EXOC4: variants seen among roughly 807,000 people sequenced by gnomAD.
EXOC4 encodes the protein exocyst complex component 4, also known as SEC8-like 1.
EXOC4 carries 71 observed loss-of-function variants against 107.2 expected under a neutral mutation model. The observed-to-expected ratio is 0.66, with a 90% CI of 0.55 to 0.81. The LOEUF is 0.81. Ranked by LOEUF, EXOC4 falls within the 30% of genes least tolerant of loss-of-function variation. The pLI is 0.00. For synonymous variants in EXOC4, 456 were observed against 441.2 expected (o/e 1.03, Z -0.42); for missense variants, 1,108 against 1,189.6 (o/e 0.93, Z 1.01).
chr7:133,436,520 ATAT>A (rs1797979049), intron 7 of EXOC4, among the ~76,000 whole-genome samples: 1 of 151,850 alleles, frequency 6.6e-6, no homozygotes, highest in Non-Finnish European at 1.5e-5. Context: ...AAAAACCCTA[ATAT>A]TATCCATATC....
At chr7:133,723,030 C>G (rs748248818) in intron 10 of EXOC4, among the ~76,000 whole-genome samples, 15 of 152,162 alleles carry the variant, frequency 9.9e-5, no homozygotes, top group Non-Finnish European at 1.8e-4. Context: ...TTAAGTGTTA[C>G]TTATCCATTT....
chr7:133,457,750 T>C (rs1798496569), intron 7 of EXOC4, among the ~76,000 whole-genome samples: 2 of 152,212 alleles, frequency 1.3e-5, no homozygotes, highest in Admixed American at 6.5e-5. Flanking sequence ...CTGCTTCCTC[T>C]TCTTTTTTCA....
intron 17 of EXOC4, among the ~76,000 whole-genome samples, chr7:134,014,626 G>A (rs946467015): frequency 5.9e-5 from 9 of 152,172 alleles, no homozygotes; most frequent in South Asian, 2.1e-4. Context: ...AGTAGGGGTC[G>A]AAAGGAAATG....
intron 14 of EXOC4, among the ~76,000 whole-genome samples, chr7:133,956,885 A>G (rs1800831098): frequency 6.6e-6 from 1 of 152,212 alleles, no homozygotes; most frequent in Non-Finnish European, 1.5e-5. Context: ...CAATACCAAA[A>G]AAGATATTTA....
rs1025609884 is a variant in EXOC4, at chr7:134,008,068, A to T, written c.2687+233A>T. The T allele has an allele frequency of 1.4e-5, 6 of 428,836 alleles. No homozygotes were observed. In the East Asian group the frequency reaches 2.3e-4, roughly 17 times the overall value. The allele number at this position is 428,836 out of a possible 1,614,324, so 26.6% of individuals were successfully genotyped here. ...TGTCTAACCCAAGTTCTTCTTAACT[A>T]CAATACTTGAATAACTCTTTTTTTC... On this transcript the variant is annotated intron_variant, in intron 17 of 17. Coordinates refer to ENST00000253861, the MANE Select transcript of EXOC4 (RefSeq NM_021807.4).
At chr7:134,082,622 G>A in the EXOC4 span, among the ~76,000 whole-genome samples, 1 of 152,140 alleles carries the variant, frequency 6.6e-6, no homozygotes, top group African/African-American at 2.4e-5. Flanking sequence ...TGTATTTTTA[G>A]TAGAGACGGG....
At chr7:133,480,597 CTGTGATGAACAGGCTATTTG>C in intron 9 of EXOC4, 1 of 240,552 alleles carries the variant, frequency 4.2e-6, no homozygotes, top group East Asian at 1.4e-4. Context: ...ATCAATATAA[CTGTGATGAACAGGCTATTTG>C]ATACCCATGT....
At chr7:133,388,577 G>A (rs1004863501) in intron 7 of EXOC4, among the ~76,000 whole-genome samples, 2 of 152,138 alleles carry the variant, frequency 1.3e-5, no homozygotes, top group Non-Finnish European at 2.9e-5. Context: ...TTGAACCGGG[G>A]AGGTGGAGGC....
At chr7:133,265,704 A>G (rs1350284104) in intron 1 of EXOC4, among the ~76,000 whole-genome samples, 1 of 152,140 alleles carries the variant, frequency 6.6e-6, no homozygotes, top group Non-Finnish European at 1.5e-5. Flanking sequence ...CATCTTTATT[A>G]TTCCTGGAGG....
chr7:133,446,239 TCC>T, intron 7 of EXOC4, among the ~76,000 whole-genome samples: 1 of 152,170 alleles, frequency 6.6e-6, no homozygotes. Context: ...CCCCTTTATT[TCC>T]ACAGCCTAAT....
intron 9 of EXOC4, among the ~76,000 whole-genome samples, chr7:133,527,980 G>A (rs530953114): frequency 6.6e-6 from 1 of 152,264 alleles, no homozygotes; most frequent in South Asian, 2.1e-4. Flanking sequence ...TCACCTGTAA[G>A]GCTTGTTAAA....
At chr7:133,766,297 TAATTA>T (rs1226593741) in intron 10 of EXOC4, among the ~76,000 whole-genome samples, 3 of 152,076 alleles carry the variant, frequency 2.0e-5, no homozygotes, top group African/African-American at 2.4e-5. Flanking sequence ...CATATTTGTT[TAATTA>T]AATTCCCTGC....
chr7:134,043,967 G>A (rs1171709090), intron 17 of EXOC4, among the ~76,000 whole-genome samples: 1 of 152,192 alleles, frequency 6.6e-6, no homozygotes, highest in Non-Finnish European at 1.5e-5. Context: ...ACCTTGGTTT[G>A]TAGCCCTGGC....
chr7:134,092,288 A>G, the EXOC4 span, among the ~76,000 whole-genome samples: 36 of 152,306 alleles, frequency 2.4e-4, no homozygotes, highest in East Asian at 5.8e-3. Context: ...TCAATTAAAA[A>G]AATTTAAAGA....
intron 7 of EXOC4, among the ~76,000 whole-genome samples, chr7:133,385,197 C>T (rs958637807): frequency 3.3e-5 from 5 of 152,148 alleles, no homozygotes; most frequent in Admixed American, 6.5e-5. Flanking sequence ...CTTGGTATCA[C>T]GTCTACTGTG....
intron 14 of EXOC4, among the ~76,000 whole-genome samples, chr7:133,966,637 G>A (rs1801076709): frequency 6.6e-6 from 1 of 152,170 alleles, no homozygotes; most frequent in African/African-American, 2.4e-5. Context: ...TTATTGATTT[G>A]CGTATGTTGA....
chr7:133,425,677 A>G (rs546310880), intron 7 of EXOC4, among the ~76,000 whole-genome samples: 1 of 152,186 alleles, frequency 6.6e-6, no homozygotes, highest in Non-Finnish European at 1.5e-5. Context: ...CCTCTCCAGC[A>G]TTAACATCAA....
At chr7:133,701,924 G>A (rs1427063014) in intron 10 of EXOC4, among the ~76,000 whole-genome samples, 1 of 149,392 alleles carries the variant, frequency 6.7e-6, no homozygotes, top group Non-Finnish European at 1.5e-5. Context: ...CCACCCATGG[G>A]GACAATCTGT....
chr7:133,357,018 A>T (rs1219538287), intron 6 of EXOC4, among the ~76,000 whole-genome samples: 1 of 152,208 alleles, frequency 6.6e-6, no homozygotes, highest in Non-Finnish European at 1.5e-5. Flanking sequence ...ACAAACTTTG[A>T]TTGGTAAAAC....
Sources: allele counts gnomAD v4.1 joint callset (sites outside exome capture counted in the v4.1 genomes callset), GRCh38; gene constraint gnomAD v4.1.1; transcripts MANE v1.5; gene names NCBI Gene and HGNC (gene_info 2026-07-23, HGNC 2026-07-21).